The following ZNF254 variants were observed in gnomAD, a reference collection of about 807,000 sequenced individuals.
The protein encoded by ZNF254 is CTD-2017D11.1.
A neutral mutation model predicts 12.4 loss-of-function variants in ZNF254; 10 were observed. The observed-to-expected ratio is 0.80, with a 90% CI of 0.50 to 1.36. The LOEUF is 1.36. Among genes scored for constraint, ZNF254 ranks in the 40% most tolerant of loss-of-function variants. The pLI, the probability that ZNF254 is intolerant of heterozygous loss-of-function variation, is 0.00. For synonymous variants in ZNF254, 305 were observed against 253.4 expected, an observed-to-expected ratio of 1.20 and a Z score of -1.93; for missense variants, 996 against 763.9, an observed-to-expected ratio of 1.30 and a Z score of -3.58.
chr19:24,062,756 A>T (rs185341837), intron 2 of ZNF254, among the ~76,000 whole-genome samples: 16 of 152,284 alleles, frequency 1.1e-4, no homozygotes, highest in Admixed American at 9.8e-4. Flanking sequence ...GTGACTCGTT[A>T]ACCAAAATTC....
intron 2 of ZNF254, among the ~76,000 whole-genome samples, chr19:24,069,468 G>C (rs572031519): frequency 2.7e-5 from 4 of 150,400 alleles, no homozygotes; most frequent in African/African-American, 9.7e-5. Context: ...CTCTCCAGGC[G>C]TGGTGGCGGG....
chr19:24,115,225 A>C (rs4932743), intron 3 of ZNF254, among the ~76,000 whole-genome samples: 48,265 of 151,564 alleles, frequency 0.32, 9,751 homozygotes, highest in African/African-American at 0.57. Context: ...CACATGCACA[A>C]GTATGTTTAT....
At chr19:24,062,843 G>A (rs62114828) in intron 2 of ZNF254, among the ~76,000 whole-genome samples, 5 of 152,004 alleles carry the variant, frequency 3.3e-5, no homozygotes, top group Admixed American at 6.6e-5. Context: ...TCTTGTTACC[G>A]AGGCTGGAGA....
intron 1 of ZNF254, among the ~76,000 whole-genome samples, chr19:24,094,683 G>GTT (rs964458527): frequency 1.3e-5 from 2 of 148,282 alleles, no homozygotes. Context: ...AATGCTTCGG[G>GTT]TTTTTTTTTT....
At chr19:24,055,833 G>C (rs1229698640) in intron 2 of ZNF254, among the ~76,000 whole-genome samples, 1 of 152,166 alleles carries the variant, frequency 6.6e-6, no homozygotes, top group Admixed American at 6.5e-5. Flanking sequence ...TACAAATTTA[G>C]TTCACTGTTG....
At chr19:24,085,998 A>G (rs1376813321), upstream of ZNF254, among the ~76,000 whole-genome samples, 1 of 151,878 alleles carries the variant, frequency 6.6e-6, no homozygotes, top group Non-Finnish European at 1.5e-5. Context: ...CCTGAGGCCA[A>G]GAGTTCGTGA....
chr19:24,116,543 C>G lies in ZNF254; in HGVS notation c.254-9711C>G, dbSNP rs1203112891. Among the ~76,000 whole-genome samples the G allele has an allele frequency of 2.6e-5, 4 of 152,214 alleles. No individual in the cohort carries two copies. In the East Asian group the frequency reaches 7.7e-4, roughly 29 times the overall value. ...AGTTCTCAAGCCTTGGCTTTCAGCTCCATCAGCTCCTTTAAGCACTTCTCT... is the reference window on the plus strand; with the variant it reads ...AGTTCTCAAGCCTTGGCTTTCAGCTGCATCAGCTCCTTTAAGCACTTCTCT... On this transcript the variant is annotated intron_variant, in intron 3 of 3. Coordinates refer to ENST00000357002, the MANE Select transcript of ZNF254 (RefSeq NM_203282.4).
chr19:24,054,199 A>T (rs1970754259), intron 2 of ZNF254, among the ~76,000 whole-genome samples: 2 of 152,150 alleles, frequency 1.3e-5, no homozygotes, highest in South Asian at 2.1e-4. Context: ...GAGAATTGTA[A>T]CATATCCCTG....
chr19:24,055,519 C>T (rs933603218), intron 2 of ZNF254, among the ~76,000 whole-genome samples: 2 of 152,032 alleles, frequency 1.3e-5, no homozygotes, highest in African/African-American at 2.4e-5. Flanking sequence ...CCTCGTGATC[C>T]ACCTGCATCA....
At chr19:24,101,081 G>A (rs1402457947) in intron 1 of ZNF254, among the ~76,000 whole-genome samples, 1 of 152,072 alleles carries the variant, frequency 6.6e-6, no homozygotes, top group Non-Finnish European at 1.5e-5. Context: ...TCGACCTCAG[G>A]GGATCCGCCT....
At chr19:24,049,199 TATATATATA>T (rs1970533363) in intron 2 of ZNF254, among the ~76,000 whole-genome samples, 10 of 67,302 alleles carry the variant, frequency 1.5e-4, no homozygotes, top group African/African-American at 3.9e-4. Context: ...TATATATATA[TATATATATA>T]TATATATTTT....
At chr19:24,037,600 A>G (rs1180395480) in intron 1 of ZNF254, among the ~76,000 whole-genome samples, 3 of 150,710 alleles carry the variant, frequency 2.0e-5, no homozygotes, top group Non-Finnish European at 3.0e-5. Flanking sequence ...TGCCCGGCTA[A>G]TTGTTTTTTT....
At chr19:24,124,119 T>C (rs1269826743) in intron 3 of ZNF254, among the ~76,000 whole-genome samples, 1 of 151,972 alleles carries the variant, frequency 6.6e-6, no homozygotes, top group Non-Finnish European at 1.5e-5. Flanking sequence ...TTTGACTTAT[T>C]TTGTTTTGTG....
chr19:24,107,383 ATATC>A, intron 3 of ZNF254: 1 of 418,040 alleles, frequency 2.4e-6, no homozygotes, highest in Non-Finnish European at 4.2e-6. Context: ...TTTCATTGAT[ATATC>A]TTTCACTTGA....
At chr19:24,069,688 C>A (rs1454751721) in intron 2 of ZNF254, among the ~76,000 whole-genome samples, 1 of 151,354 alleles carries the variant, frequency 6.6e-6, no homozygotes, top group Admixed American at 6.6e-5. Flanking sequence ...GAGGCCGGCT[C>A]ACGCCTGTAA....
intron 2 of ZNF254, among the ~76,000 whole-genome samples, chr19:24,054,023 G>T (rs766669484): frequency 6.6e-6 from 1 of 152,138 alleles, no homozygotes; most frequent in South Asian, 2.1e-4. Context: ...GACACTTCTT[G>T]CCTGCACTGT....
At chr19:24,070,875 G>C (rs949412049) in intron 2 of ZNF254, among the ~76,000 whole-genome samples, 1 of 152,038 alleles carries the variant, frequency 6.6e-6, no homozygotes. Flanking sequence ...CAGGTAATTT[G>C]TTTGTCTTTT....
chr19:24,048,422 G>A (rs1352503720), intron 2 of ZNF254, among the ~76,000 whole-genome samples: 2 of 152,180 alleles, frequency 1.3e-5, no homozygotes, highest in South Asian at 2.1e-4. Context: ...ACAGGATGTC[G>A]GCCACAAGCG....
chr19:24,044,516 T>A lies in ZNF254; in HGVS notation c.-189-1668T>A, dbSNP rs189504194. Among the ~76,000 whole-genome samples, 305 of 149,440 alleles carry A rather than the reference T, an allele frequency of 2.0e-3. 1 individual carries two copies. The highest frequency in any genetic ancestry group is 7.3e-3 in the African/African-American group (296 of 40,306). On this transcript the variant is annotated intron_variant, in intron 1 of 4. Coordinates refer to the ZNF254 transcript ENST00000613065. ...TCGCGCCACTGCACCCCAGCCTGGG[T>A]GACAGAGCGAGACTCAGTCTCAAAA...
Sources: gnomAD v4.1 joint callset for allele counts (sites outside exome capture counted in the v4.1 genomes callset) on GRCh38, gnomAD v4.1.1 for gene constraint, MANE v1.5 for transcripts, NCBI Gene and HGNC (gene_info 2026-07-23, HGNC 2026-07-21) for gene names.